Variants in ADGRB3 observed in about 807,000 individuals in gnomAD.
The protein encoded by ADGRB3 is adhesion G protein-coupled receptor B3.
ADGRB3 carries 37 observed loss-of-function variants against 193.4 expected under a neutral mutation model. The observed-to-expected ratio is 0.19, with a 90% CI of 0.15 to 0.25. The LOEUF (loss-of-function observed/expected upper bound fraction) is 0.25. Ranked by LOEUF, ADGRB3 falls within the 10% of genes least tolerant of loss-of-function variation. ADGRB3 has a pLI of 1.00. For synonymous variants in ADGRB3, 690 were observed against 644.2 expected (o/e 1.07, Z -1.08); for missense variants, 1,637 against 1,852.9 (o/e 0.88, Z 2.14).
chr6:68,934,862 T>C (rs1489570553), intron 4 of ADGRB3, among the ~76,000 whole-genome samples: 1 of 152,190 alleles, frequency 6.6e-6, no homozygotes, highest in East Asian at 1.9e-4. Flanking sequence ...CAAGGACATT[T>C]TTATGAAATT....
At chr6:68,886,914 C>T (rs1765925875) in intron 3 of ADGRB3, among the ~76,000 whole-genome samples, 1 of 151,702 alleles carries the variant, frequency 6.6e-6, no homozygotes, top group Admixed American at 6.6e-5. Flanking sequence ...AACATCATCC[C>T]TATAACTTCA....
At chr6:68,927,422 A>G (rs1244649912) in intron 3 of ADGRB3, among the ~76,000 whole-genome samples, 1 of 152,130 alleles carries the variant, frequency 6.6e-6, no homozygotes, top group Non-Finnish European at 1.5e-5. Context: ...AGCAAAAATA[A>G]TTGGTTTTTC....
chr6:68,996,999 A>G (rs1218017702), intron 11 of ADGRB3, among the ~76,000 whole-genome samples: 1 of 152,192 alleles, frequency 6.6e-6, no homozygotes, highest in Non-Finnish European at 1.5e-5. Context: ...AGAGAAATTA[A>G]GTAAAATTAA....
At chr6:68,943,753 C>T in intron 5 of ADGRB3, 77 bp from the exon 6 acceptor site, 3 of 1,317,360 alleles carry the variant, frequency 2.3e-6, no homozygotes, top group Non-Finnish European at 3.1e-6. Flanking sequence ...ATGAGTTTTG[C>T]TTTTTAATTA....
chr6:68,756,011 G>A (rs567260118), intron 3 of ADGRB3, among the ~76,000 whole-genome samples: 16 of 152,104 alleles, frequency 1.1e-4, no homozygotes, highest in Middle Eastern at 6.8e-3. Flanking sequence ...CCTTTTTCCA[G>A]GCCCTATTAG....
chr6:68,726,979 C>T (rs150594501), intron 3 of ADGRB3, among the ~76,000 whole-genome samples: 166 of 151,630 alleles, frequency 1.1e-3, no homozygotes, highest in Middle Eastern at 3.4e-3. Context: ...TGAAGATTTG[C>T]TCAGTCAACT....
At chr6:68,998,848 C>T (rs1399572842) in intron 11 of ADGRB3, among the ~76,000 whole-genome samples, 2 of 152,174 alleles carry the variant, frequency 1.3e-5, no homozygotes, top group South Asian at 2.1e-4. Flanking sequence ...GGTCAGCTGT[C>T]GGGTCATAAG....
chr6:69,070,398 T>C (rs780364454), intron 16 of ADGRB3, among the ~76,000 whole-genome samples: 2 of 152,224 alleles, frequency 1.3e-5, no homozygotes, highest in Non-Finnish European at 2.9e-5. Context: ...GATATATGTT[T>C]ACAATATAGG....
intron 20 of ADGRB3, among the ~76,000 whole-genome samples, chr6:69,258,184 A>G (rs901832759): frequency 1.1e-4 from 15 of 139,696 alleles, no homozygotes; most frequent in African/African-American, 4.1e-4. Flanking sequence ...GTCAGTAGGA[A>G]GAATTATAAG....
At chr6:69,052,924 G>A (rs922562833) in intron 15 of ADGRB3, among the ~76,000 whole-genome samples, 11 of 152,140 alleles carry the variant, frequency 7.2e-5, no homozygotes, top group Admixed American at 2.6e-4. Context: ...GGTGGCTCAC[G>A]CCTGTAATCC....
chr6:69,181,470 A>G (rs1234822707), intron 17 of ADGRB3, among the ~76,000 whole-genome samples: 1 of 152,168 alleles, frequency 6.6e-6, no homozygotes. Context: ...TGCATTATAA[A>G]AACATCTGAG....
intron 17 of ADGRB3, among the ~76,000 whole-genome samples, chr6:69,137,125 C>T (rs1234820750): frequency 1.4e-5 from 2 of 142,036 alleles, no homozygotes; most frequent in Non-Finnish European, 3.0e-5. Flanking sequence ...AATAGATGAC[C>T]AGTGTGGTTT....
intron 13 of ADGRB3, among the ~76,000 whole-genome samples, chr6:69,044,375 T>TGGTTGTG (rs2150300355): frequency 6.6e-6 from 1 of 152,322 alleles, no homozygotes; most frequent in South Asian, 2.1e-4. Context: ...TAAGACAGAC[T>TGGTTGTG]CCTCATCCTC....
At chr6:69,206,293 C>T (rs183160843) in intron 17 of ADGRB3, among the ~76,000 whole-genome samples, 8 of 151,948 alleles carry the variant, frequency 5.3e-5, no homozygotes, top group East Asian at 1.9e-4. Flanking sequence ...ATTCTAGCTG[C>T]GCTGGCAACT....
intron 3 of ADGRB3, among the ~76,000 whole-genome samples, chr6:68,661,596 T>C (rs1195380939): frequency 2.1e-5 from 3 of 141,966 alleles, no homozygotes; most frequent in Non-Finnish European, 4.6e-5. Flanking sequence ...CTATTTGGAT[T>C]TAGATTGGAC....
chr6:68,696,691 G>C (rs1256669160), intron 3 of ADGRB3, among the ~76,000 whole-genome samples: 1 of 151,458 alleles, frequency 6.6e-6, no homozygotes, highest in African/African-American at 2.4e-5. Context: ...TTTCTAACTT[G>C]GCTCCAAATA....
chr6:69,050,126 T>C (rs544345932), intron 15 of ADGRB3, among the ~76,000 whole-genome samples: 2 of 152,192 alleles, frequency 1.3e-5, no homozygotes, highest in African/African-American at 2.4e-5. Context: ...AATAAAGCTT[T>C]ACATTTTTGG....
intron 3 of ADGRB3, among the ~76,000 whole-genome samples, chr6:68,737,876 C>T (rs2127338342): frequency 6.6e-6 from 1 of 152,214 alleles, no homozygotes; most frequent in Non-Finnish European, 1.5e-5. Context: ...CAAGAAATAC[C>T]TGCTTTATGA....
At chr6:69,295,568 A>T (rs1358869653) in intron 20 of ADGRB3, among the ~76,000 whole-genome samples, 1 of 152,108 alleles carries the variant, frequency 6.6e-6, no homozygotes, top group Non-Finnish European at 1.5e-5. Flanking sequence ...ACTATCTGGG[A>T]ACAATAATGT....
Sources: gnomAD v4.1 joint callset for allele counts (sites outside exome capture counted in the v4.1 genomes callset) on GRCh38, gnomAD v4.1.1 for gene constraint, MANE v1.5 for transcripts, NCBI Gene and HGNC (gene_info 2026-07-23, HGNC 2026-07-21) for gene names.